STS: variants seen among roughly 807,000 people sequenced by gnomAD.
STS encodes the protein steryl-sulfatase.
A neutral mutation model predicts 26.8 loss-of-function variants in STS; 7 were observed. The ratio of observed to expected loss-of-function variants is 0.26; its 90% CI spans 0.15 to 0.49. The LOEUF (loss-of-function observed/expected upper bound fraction) is 0.49. Among genes scored for constraint, STS ranks in the 20% least tolerant of loss-of-function variants. The pLI, the probability that STS is intolerant of heterozygous loss-of-function variation, is 0.98. For synonymous variants in STS, 199 were observed against 189.4 expected (o/e 1.05, Z -0.42); for missense variants, 434 against 465.6 (o/e 0.93, Z 0.63).
At chrX:7,233,279 A>T (rs1221944871) in intron 2 of STS, among the ~76,000 whole-genome samples, 3 of 109,083 alleles carry the variant, frequency 2.8e-5, no homozygotes, top group African/African-American at 1.0e-4. Flanking sequence ...TTTTTAGTAG[A>T]GATGGGGTTT....
chrX:7,209,608 A>ATTTTATTTTTAT (rs1190171169), intron 2 of STS, among the ~76,000 whole-genome samples: 6 of 107,196 alleles, frequency 5.6e-5, no homozygotes, highest in Admixed American at 2.0e-4. Context: ...TATTTTATAT[A>ATTTTATTTTTAT]TTTTATTTTT....
chrX:7,227,532 A>G (rs1601667655), intron 2 of STS, among the ~76,000 whole-genome samples: 1 of 109,442 alleles, frequency 9.1e-6, no homozygotes, highest in Non-Finnish European at 1.9e-5. Context: ...AATAAAAAAC[A>G]TGGATATTTG....
rs778146897 is a variant in STS at position 7,159,994 on chromosome X, C to G, written c.-134+11911C>G. On this transcript the variant is annotated intron_variant, in intron 1 of 10. Coordinates refer to ENST00000674429, the MANE Select transcript of STS (RefSeq NM_001320752.2). ...AGCTGTTTGAGATCCTTGAAGGAGA[C>G]GTACAAAGTGTCTTGAGTCTTCCAG... Among the ~76,000 whole-genome samples, 16 of 111,926 alleles carry G rather than the reference C, an allele frequency of 1.4e-4. No individual in the cohort carries two copies. In the Middle Eastern group the frequency reaches 0.014, roughly 97 times the overall value.
intron 6 of STS, among the ~76,000 whole-genome samples, chrX:7,260,353 C>A (rs1157752685): frequency 8.9e-6 from 1 of 112,348 alleles, no homozygotes; most frequent in Non-Finnish European, 1.9e-5. Flanking sequence ...AGGCCCATGG[C>A]AAATTAATGT....
At chrX:7,318,028 T>G (rs775222462) in intron 8 of STS, among the ~76,000 whole-genome samples, 3 of 112,026 alleles carry the variant, frequency 2.7e-5, no homozygotes, top group African/African-American at 9.7e-5. Flanking sequence ...TACCATCAAT[T>G]ACTGGCTGTG....
chrX:7,291,952 C>G (rs774837028), intron 7 of STS, among the ~76,000 whole-genome samples: 4 of 112,222 alleles, frequency 3.6e-5, no homozygotes, highest in Admixed American at 2.8e-4. Context: ...CAGTAACAAC[C>G]ATCTATAAAT....
chrX:7,218,149 A>G (rs1301146429), intron 2 of STS, among the ~76,000 whole-genome samples: 1 of 112,409 alleles, frequency 8.9e-6, no homozygotes, highest in East Asian at 2.8e-4. Context: ...ATTGCTTGAC[A>G]TCAAGCTGGA....
chrX:7,317,533 A>G lies in STS; in HGVS notation c.1082-7806A>G, dbSNP rs751975514. ...ACCCAGGCTAGGGTGCAGTGGCGTGATCACAGCTCACTATGGCCTCAACCT... is the reference window on the plus strand; with the variant it reads ...ACCCAGGCTAGGGTGCAGTGGCGTGGTCACAGCTCACTATGGCCTCAACCT... On this transcript the variant is annotated intron_variant, in intron 8 of 10. Coordinates refer to ENST00000674429, the MANE Select transcript of STS (RefSeq NM_001320752.2). Among the ~76,000 whole-genome samples, 8 of 111,762 alleles carry G rather than the reference A, an allele frequency of 7.2e-5. No homozygotes were observed. In the South Asian group the frequency reaches 3.0e-3, roughly 42 times the overall value.
At chrX:7,284,137 T>C (rs1256635693) in intron 7 of STS, among the ~76,000 whole-genome samples, 2 of 112,108 alleles carry the variant, frequency 1.8e-5, no homozygotes, top group African/African-American at 3.2e-5. Context: ...TTTACTTGCA[T>C]AATGGTTTAC....
chrX:7,347,236 G>T (rs763090852), intron 10 of STS, among the ~76,000 whole-genome samples: 1 of 111,301 alleles, frequency 9.0e-6, no homozygotes, highest in East Asian at 2.8e-4. Flanking sequence ...CCAAAGTCGG[G>T]GTTGTTACCT....
At chrX:7,297,525 C>T (rs1328730070) in intron 7 of STS, among the ~76,000 whole-genome samples, 2 of 111,594 alleles carry the variant, frequency 1.8e-5, no homozygotes, top group Admixed American at 1.9e-4. Context: ...ATTTAAAAAA[C>T]GATTAGGGAT....
chrX:7,164,564 C>T (rs1933312050), intron 1 of STS, among the ~76,000 whole-genome samples: 1 of 111,056 alleles, frequency 9.0e-6, no homozygotes, highest in South Asian at 3.8e-4. Flanking sequence ...TCCCAGCCCC[C>T]ACTTCCCAGC....
intron 2 of STS, among the ~76,000 whole-genome samples, chrX:7,244,676 A>G (rs1313085036): frequency 1.8e-5 from 2 of 111,265 alleles, no homozygotes; most frequent in African/African-American, 3.3e-5. Context: ...GAAGTTGGGG[A>G]CAGCATCCTG....
At chrX:7,170,179 A>G (rs1422879076) in intron 1 of STS, among the ~76,000 whole-genome samples, 2 of 110,965 alleles carry the variant, frequency 1.8e-5, no homozygotes, top group East Asian at 5.7e-4. Context: ...CAATAATCAC[A>G]TACTGCAGGT....
intron 7 of STS, among the ~76,000 whole-genome samples, chrX:7,285,892 C>T (rs1489792273): frequency 1.8e-5 from 2 of 111,890 alleles, no homozygotes; most frequent in Non-Finnish European, 3.8e-5. Context: ...CTGATGAAAT[C>T]TATGGCCACT....
At chrX:7,252,726 C>A (rs1174946988) in intron 2 of STS, among the ~76,000 whole-genome samples, 1 of 111,862 alleles carries the variant, frequency 8.9e-6, no homozygotes, top group Non-Finnish European at 1.9e-5. Context: ...GAGGTGAGAG[C>A]GTGTTGGGAT....
chrX:7,229,156 T>C (rs1921943907), intron 2 of STS, among the ~76,000 whole-genome samples: 2 of 112,445 alleles, frequency 1.8e-5, no homozygotes, highest in Admixed American at 9.4e-5. Context: ...ATAATAGACA[T>C]TGATTATAAA....
At chrX:7,154,180 C>G (rs1308916394) in intron 1 of STS, among the ~76,000 whole-genome samples, 1 of 111,832 alleles carries the variant, frequency 8.9e-6, no homozygotes, top group African/African-American at 3.2e-5. Context: ...AAGCCTCTCT[C>G]CTTGAATGGA....
chrX:7,341,603 C>T (rs1457671267), intron 10 of STS, among the ~76,000 whole-genome samples: 1 of 111,904 alleles, frequency 8.9e-6, no homozygotes, highest in Admixed American at 9.5e-5. Context: ...CAGTGCCTCA[C>T]AGTAGTCTGT....
Sources: gnomAD v4.1 joint callset for allele counts (sites outside exome capture counted in the v4.1 genomes callset) on GRCh38, gnomAD v4.1.1 for gene constraint, MANE v1.5 for transcripts, NCBI Gene and HGNC (gene_info 2026-07-23, HGNC 2026-07-21) for gene names.